AUH: variants seen among roughly 807,000 people sequenced by gnomAD.
The protein encoded by AUH is AU RNA binding methylglutaconyl-CoA hydratase, also known as methylglutaconyl-CoA hydratase, mitochondrial.
A neutral mutation model predicts 42.3 loss-of-function variants in AUH; 29 were observed. The ratio of observed to expected loss-of-function variants is 0.69; its 90% confidence interval spans 0.51 to 0.93. The LOEUF (loss-of-function observed/expected upper bound fraction) is 0.93, where lower values mean the gene tolerates loss of function less well. Among genes scored for constraint, AUH ranks in the 40% least tolerant of loss-of-function variants. The pLI, the probability that AUH is intolerant of heterozygous loss-of-function variation, is 0.00. For synonymous variants in AUH, 174 were observed against 166.4 expected (o/e 1.05, Z -0.35); for missense variants, 452 against 438.1 (o/e 1.03, Z -0.28).
intron 6 of AUH, among the ~76,000 whole-genome samples, chr9:91,268,794 A>G (rs1281767152): frequency 1.3e-5 from 2 of 152,088 alleles, no homozygotes; most frequent in Admixed American, 6.5e-5. Flanking sequence ...AGTTGTAACT[A>G]TTTCCCAGTC....
chr9:91,226,964 A>T (rs1436438021), intron 6 of AUH, among the ~76,000 whole-genome samples: 115 of 148,954 alleles, frequency 7.7e-4, no homozygotes, highest in African/African-American at 2.6e-3. Flanking sequence ...GCCTTGTAGT[A>T]TAGTTTGAAG....
chr9:91,302,402 C>T (rs1406154205), intron 4 of AUH, among the ~76,000 whole-genome samples: 1 of 152,034 alleles, frequency 6.6e-6, no homozygotes, highest in Non-Finnish European at 1.5e-5. Context: ...CCAGCCTGAC[C>T]AACATAGAGA....
chr9:91,346,860 TAA>T (rs79801569), intron 3 of AUH, among the ~76,000 whole-genome samples: 7 of 130,352 alleles, frequency 5.4e-5, no homozygotes, highest in Non-Finnish European at 3.4e-5. Flanking sequence ...ACTCAGAATT[TAA>T]AAAAAAAAAA....
chr9:91,238,548 C>A (rs1185924023), intron 6 of AUH, among the ~76,000 whole-genome samples: 1 of 152,204 alleles, frequency 6.6e-6, no homozygotes, highest in Non-Finnish European at 1.5e-5. Flanking sequence ...CAGACACTAC[C>A]ACAAGTGGCA....
chr9:91,243,444 G>A (rs537134060), intron 6 of AUH, among the ~76,000 whole-genome samples: 7 of 152,384 alleles, frequency 4.6e-5, no homozygotes, highest in African/African-American at 1.4e-4. Context: ...TTGGGCAGGT[G>A]TTGCTGGAGA....
At chr9:91,356,448 C>T (rs980495666) in intron 1 of AUH, among the ~76,000 whole-genome samples, 4 of 152,084 alleles carry the variant, frequency 2.6e-5, no homozygotes, top group African/African-American at 7.2e-5. Context: ...CCAAAGTAAC[C>T]GCTAATAAAC....
At chr9:91,297,841 A>G (rs959168259) in intron 5 of AUH, 143 bp downstream of exon 5, 2 of 727,562 alleles carry the variant, frequency 2.7e-6, no homozygotes. Context: ...GGGAATTTCG[A>G]AAACACCATT....
intron 3 of AUH, among the ~76,000 whole-genome samples, chr9:91,337,478 G>T (rs1165490311): frequency 6.6e-6 from 1 of 152,108 alleles, no homozygotes; most frequent in Non-Finnish European, 1.5e-5. Flanking sequence ...AACCAGCATG[G>T]TCCACTCCCC....
chr9:91,262,219 C>T (rs1216652522), intron 6 of AUH, among the ~76,000 whole-genome samples: 1 of 152,206 alleles, frequency 6.6e-6, no homozygotes, highest in East Asian at 1.9e-4. Flanking sequence ...GTTTATACAT[C>T]CATTACTCGC....
At chr9:91,298,576 G>A (rs1024605606) in intron 4 of AUH, among the ~76,000 whole-genome samples, 1 of 152,192 alleles carries the variant, frequency 6.6e-6, no homozygotes, top group Non-Finnish European at 1.5e-5. Flanking sequence ...TGGCCCGTGA[G>A]CTGTCATTTA....
At position 91,225,999 on chromosome 9, in the gene AUH, C is replaced by T. The variant is rs1440852667; in HGVS notation, c.656-5007G>A. 3.2e-4 allele frequency among the ~76,000 whole-genome samples: 47 copies of T among 146,938 alleles called. No homozygotes were observed. The East Asian group carries it at 4.6e-3, about 14-fold the overall frequency. ...AAGTCTTTGCTATTGTGAATAATGC[C>T]GCAATAAACATACGTGTGCATGTGT... On this transcript the variant is annotated intron_variant, in intron 6 of 9. Transcript: ENST00000375731.
intron 4 of AUH, among the ~76,000 whole-genome samples, chr9:91,324,592 ATC>A (rs1297960001): frequency 6.6e-6 from 1 of 150,902 alleles, no homozygotes; most frequent in Admixed American, 6.6e-5. Context: ...AAGATAAAAC[ATC>A]ACATAAGCAT....
chr9:91,332,002 A>G (rs1364330210), intron 3 of AUH, among the ~76,000 whole-genome samples: 1 of 152,224 alleles, frequency 6.6e-6, no homozygotes, highest in Non-Finnish European at 1.5e-5. Flanking sequence ...TATTATTGCT[A>G]AAAGAATTTT....
chr9:91,274,492 C>T (rs1318468486), intron 6 of AUH, among the ~76,000 whole-genome samples: 1 of 152,168 alleles, frequency 6.6e-6, no homozygotes. Context: ...AAACTCAAAT[C>T]CTTTAGGATT....
chr9:91,314,490 G>GAAA (rs200673346), intron 4 of AUH, among the ~76,000 whole-genome samples: 1 of 85,564 alleles, frequency 1.2e-5, no homozygotes, highest in Admixed American at 1.2e-4. Flanking sequence ...CTCAAAGAAG[G>GAAA]AAAAAAAAAA....
At chr9:91,238,703 A>G (rs1213702265) in intron 6 of AUH, among the ~76,000 whole-genome samples, 2 of 152,254 alleles carry the variant, frequency 1.3e-5, no homozygotes, top group Non-Finnish European at 2.9e-5. Context: ...TTTTCTCCCT[A>G]GGTAATAATC....
intron 3 of AUH, among the ~76,000 whole-genome samples, chr9:91,329,227 T>C (rs1158268209): frequency 6.6e-6 from 1 of 151,978 alleles, no homozygotes; most frequent in Non-Finnish European, 1.5e-5. Context: ...GGTGGACAAA[T>C]GTTTTCATTT....
chr9:91,216,292 C>T (rs1313025716), intron 8 of AUH, among the ~76,000 whole-genome samples, 186 bp from the exon 9 acceptor site: 1 of 152,170 alleles, frequency 6.6e-6, no homozygotes, highest in Non-Finnish European at 1.5e-5. Flanking sequence ...GACTCCCTCA[C>T]TTGGGAGCTG....
intron 6 of AUH, among the ~76,000 whole-genome samples, chr9:91,239,476 T>TC (rs1438507948): frequency 2.0e-5 from 3 of 152,204 alleles, no homozygotes; most frequent in African/African-American, 7.2e-5. Flanking sequence ...CCTGTGGGAC[T>TC]CTGTGTCAGA....
Sources: allele counts gnomAD v4.1 joint callset (sites outside exome capture counted in the v4.1 genomes callset), GRCh38; gene constraint gnomAD v4.1.1; transcripts MANE v1.5; gene names NCBI Gene and HGNC (gene_info 2026-07-23, HGNC 2026-07-21).